Variants in CDK14 observed in about 807,000 individuals in gnomAD.
CDK14 encodes cyclin dependent kinase 14, also known as cyclin-dependent kinase 14.
CDK14 carries 34 observed loss-of-function variants against 60.7 expected under a neutral mutation model. The ratio of observed to expected loss-of-function variants is 0.56; its 90% CI spans 0.43 to 0.75. CDK14 has a LOEUF of 0.75. CDK14 is among the 30% of genes least tolerant of loss of function. The pLI is 0.00. For missense variants in CDK14, 482 were observed against 564.1 expected, an observed-to-expected ratio of 0.85 and a Z score of 1.47; for synonymous variants, 197 against 203.7, an observed-to-expected ratio of 0.97 and a Z score of 0.28.
chr7:90,645,402 C>T (rs922261674), intron 2 of CDK14, among the ~76,000 whole-genome samples: 1 of 152,046 alleles, frequency 6.6e-6, no homozygotes, highest in African/African-American at 2.4e-5. Context: ...TCTAAAGAGA[C>T]TTGTTAGTTT....
chr7:91,062,724 G>A (rs752781890), intron 11 of CDK14, among the ~76,000 whole-genome samples: 15 of 152,086 alleles, frequency 9.9e-5, no homozygotes, highest in South Asian at 4.2e-4. Context: ...GGACAAAGCC[G>A]AAGCTCAGTG....
intron 2 of CDK14, among the ~76,000 whole-genome samples, chr7:90,605,907 A>G (rs1408038378): frequency 6.6e-6 from 1 of 152,218 alleles, no homozygotes; most frequent in African/African-American, 2.4e-5. Context: ...TTTAAAAAGC[A>G]CCTGAGGCTG....
intron 2 of CDK14, among the ~76,000 whole-genome samples, chr7:90,644,048 A>G (rs1417178129): frequency 6.6e-6 from 1 of 152,194 alleles, no homozygotes; most frequent in African/African-American, 2.4e-5. Context: ...CCCTGATCTA[A>G]TTGGGTTAAT....
intron 4 of CDK14, among the ~76,000 whole-genome samples, chr7:90,761,579 A>G (rs1304952012): frequency 6.6e-6 from 1 of 152,194 alleles, no homozygotes; most frequent in East Asian, 1.9e-4. Context: ...GTTCTCAACT[A>G]GGGATAATTT....
intron 10 of CDK14, among the ~76,000 whole-genome samples, chr7:91,023,888 T>A (rs1290091935): frequency 6.6e-6 from 1 of 152,142 alleles, no homozygotes; most frequent in Non-Finnish European, 1.5e-5. Flanking sequence ...TTCTCCTGCC[T>A]CAGCCTCCCA....
chr7:90,899,426 C>A (rs1187402038), intron 7 of CDK14, 73 bp downstream of exon 7: 1 of 1,140,664 alleles, frequency 8.8e-7, no homozygotes, highest in South Asian at 1.7e-5. Context: ...TCTAGCATCT[C>A]TACCATAACA....
At chr7:91,083,388 G>A (rs956435660) in intron 12 of CDK14, among the ~76,000 whole-genome samples, 2 of 152,094 alleles carry the variant, frequency 1.3e-5, no homozygotes, top group Admixed American at 1.3e-4. Flanking sequence ...AACACTGCAT[G>A]AGGTGTAGTT....
rs564087618 is a variant in CDK14, at chr7:90,995,077, A to C, written c.1041+10836A>C. 4.6e-5 allele frequency among the ~76,000 whole-genome samples: 7 copies of C among 152,268 alleles called. No individual in the cohort carries two copies. In the South Asian group the frequency reaches 1.2e-3, roughly 27 times the overall value. On this transcript the variant is annotated intron_variant, in intron 10 of 14. Coordinates refer to ENST00000380050, the MANE Select transcript of CDK14 (RefSeq NM_001287135.2). ...GCCCTTGTGTAATGCTTTCCCCTTG[A>C]GCGTGGGCTGGACCTCGTTACTCAC... is the stretch of plus-strand genomic sequence containing the variant.
At chr7:90,959,683 T>TA (rs773856949) in intron 9 of CDK14, among the ~76,000 whole-genome samples, 1 of 151,932 alleles carries the variant, frequency 6.6e-6, no homozygotes, top group Non-Finnish European at 1.5e-5. Flanking sequence ...CCACAGGAAA[T>TA]AAAAAAATGA....
At chr7:91,167,300 G>C (rs1305697708) in intron 14 of CDK14, among the ~76,000 whole-genome samples, 1 of 152,156 alleles carries the variant, frequency 6.6e-6, no homozygotes, top group African/African-American at 2.4e-5. Flanking sequence ...TTTTAAAAAA[G>C]GAGAAACAAA....
At chr7:90,790,092 A>T (rs2116964622) in intron 4 of CDK14, among the ~76,000 whole-genome samples, 1 of 132,162 alleles carries the variant, frequency 7.6e-6, no homozygotes, top group East Asian at 3.1e-4. Context: ...AAAAAAGGGG[A>T]ATTTTTTCCT....
chr7:90,621,433 C>G (rs867310834), intron 2 of CDK14, among the ~76,000 whole-genome samples: 25 of 152,276 alleles, frequency 1.6e-4, no homozygotes, highest in Middle Eastern at 6.8e-3. Flanking sequence ...CTCTCTTCCC[C>G]CTGCAAGACT....
intron 10 of CDK14, among the ~76,000 whole-genome samples, chr7:91,036,125 G>A (rs1489832596): frequency 1.3e-5 from 2 of 152,224 alleles, no homozygotes; most frequent in African/African-American, 4.8e-5. Context: ...TTATAGGCGT[G>A]AGCCACTGCG....
At chr7:90,742,285 T>G (rs1803377278) in intron 3 of CDK14, among the ~76,000 whole-genome samples, 1 of 152,050 alleles carries the variant, frequency 6.6e-6, no homozygotes, top group African/African-American at 2.4e-5. Flanking sequence ...CTTAGTTTTT[T>G]TGTATTTTGC....
chr7:90,831,988 G>A (rs1008009404), intron 5 of CDK14, among the ~76,000 whole-genome samples: 1 of 151,878 alleles, frequency 6.6e-6, no homozygotes, highest in Non-Finnish European at 1.5e-5. Context: ...TTATTAGCAT[G>A]TCCCTCTCCC....
chr7:90,824,575 G>C (rs954444810), intron 5 of CDK14: 5 of 152,222 alleles, frequency 3.3e-5, no homozygotes, highest in East Asian at 1.9e-4. Flanking sequence ...TGGATGTAGA[G>C]TGAGAACTGA....
intron 8 of CDK14, among the ~76,000 whole-genome samples, chr7:90,952,048 G>C (rs769116496): frequency 1.3e-5 from 2 of 151,998 alleles, no homozygotes; most frequent in Non-Finnish European, 2.9e-5. Context: ...CAGCATTTAA[G>C]GGGCAAAAAG....
chr7:90,805,393 T>C (rs2117018147), intron 5 of CDK14, among the ~76,000 whole-genome samples: 1 of 151,968 alleles, frequency 6.6e-6, no homozygotes, highest in South Asian at 2.1e-4. Flanking sequence ...CACCTATTCG[T>C]GTTAAAGGCT....
At chr7:90,613,820 G>A (rs577424418) in intron 2 of CDK14, among the ~76,000 whole-genome samples, 46 of 152,144 alleles carry the variant, frequency 3.0e-4, no homozygotes, top group Non-Finnish European at 6.0e-4. Flanking sequence ...TTTTCCTTCT[G>A]ACTGGAATTT....
Sources: allele counts gnomAD v4.1 joint callset (sites outside exome capture counted in the v4.1 genomes callset), GRCh38; gene constraint gnomAD v4.1.1; transcripts MANE v1.5; gene names NCBI Gene and HGNC (gene_info 2026-07-23, HGNC 2026-07-21).